PSRC1: variants seen among roughly 807,000 people sequenced by gnomAD.
The protein encoded by PSRC1 is proline/serine-rich coiled-coil protein 1.
In PSRC1, 30 loss-of-function variants were observed where a neutral mutation model predicts 31.9. The ratio of observed to expected loss-of-function variants is 0.94; its 90% confidence interval spans 0.70 to 1.28. PSRC1 has a LOEUF of 1.28. Ranked by LOEUF, PSRC1 falls within the 50% of genes most tolerant of loss-of-function variation. PSRC1 has a pLI of 0.00. For synonymous variants in PSRC1, 191 were observed against 192.1 expected, an observed-to-expected ratio of 0.99 and a Z score of 0.05; for missense variants, 481 against 472.8, an observed-to-expected ratio of 1.02 and a Z score of -0.16.
In PSRC1 at chr1:109,281,437, A is replaced by G. The variant is rs561156790; in HGVS notation, c.519+182T>C. On this transcript the variant is annotated intron_variant, in intron 4 of 6. Transcript: ENST00000409138. ...GCCAATACCATTTATTGAGTTTATC[A>G]TAGACATATACTCAGACACTGTGGT... 5.4e-6 allele frequency: 4 copies of G among 741,934 alleles called. No individual in the cohort carries two copies. The African/African-American group carries it at 7.1e-5, about 13-fold the overall frequency. The allele number at this position is 741,934 out of a possible 1,614,324, so 46.0% of individuals were successfully genotyped here. A position where few individuals can be genotyped will look rare whatever the true frequency, so the allele number is the denominator to read the frequency against.
intron 3 of PSRC1, 29 bp from the exon 4 acceptor site, chr1:109,282,089 G>A (rs1312810630): frequency 2.1e-6 from 3 of 1,459,110 alleles, no homozygotes; most frequent in Non-Finnish European, 1.8e-6. Context: ...CAGGCATCAT[G>A]CCCATGCAAA....
rs547815145 is a variant in PSRC1, at chr1:109,282,754, C to A, written c.-33-23G>T. The A allele has an allele frequency of 7.7e-6, 12 of 1,549,274 alleles. No homozygotes were observed. In the African/African-American group the frequency reaches 1.5e-4, roughly 19 times the overall value. On this transcript the variant is annotated intron_variant, in intron 1 of 6. Transcript: ENST00000409138. The stretch of plus-strand genomic sequence containing the variant: ...GATCTGAGCTGGAGAGAAACCATAC[C>A]TTTCCTCAGGTATCCATTCTGCCCA...
At chr1:109,280,587 T>C (rs1440068193) in intron 5 of PSRC1, 98 bp from the exon 7 acceptor site, 33 of 1,064,116 alleles carry the variant, frequency 3.1e-5, no homozygotes, top group Non-Finnish European at 4.5e-5. Context: ...ATTAGTACTC[T>C]CCCCCTGACC....
Position 109,281,126 on chromosome 1 carries a change from G to A in PSRC1, c.645C>T (p.Thr215=), listed in dbSNP as rs375515364. Residue 215 remains threonine (T), a synonymous_variant, in exon 5 of 7, where the codon ACC becomes ACT. Coordinates refer to ENST00000409138, the Ensembl canonical transcript of PSRC1. ...CACTCACCCGCAACTTGGCTGCTCT[G>A]GTCTCCTCACTGGCTGCTGCTCTCC... is the stretch of plus-strand genomic sequence containing the variant. 31 of 1,613,212 alleles carry A rather than the reference G, an allele frequency of 1.9e-5. No individual in the cohort carries two copies. Among genetic ancestry groups the A allele is most frequent in the Non-Finnish European group, 2.5e-5 (29 of 1,179,892 alleles).
chr1:109,281,027 T>G, exon 5 of PSRC1: 1 of 1,612,394 alleles, frequency 6.2e-7, no homozygotes, highest in South Asian at 1.1e-5. Flanking sequence ...CCAGGACGGA[T>G]CTGATGGGGG....
At chr1:109,282,685 T>G (rs1380144521) in exon 2 of PSRC1, 1 of 1,556,420 alleles carries the variant, frequency 6.4e-7, no homozygotes, top group East Asian at 2.4e-5. Flanking sequence ...CTTACCTTCC[T>G]CCAAATCCTC....
At chr1:109,282,481 T>C in intron 3 of PSRC1, 37 bp downstream of exon 3, 1 of 1,587,040 alleles carries the variant, frequency 6.3e-7, no homozygotes, top group Non-Finnish European at 8.7e-7. Flanking sequence ...AAAGAGGTAC[T>C]GTTAGAGGAA....
chr1:109,281,158 G>A, exon 5 of PSRC1: 1 of 1,613,598 alleles, frequency 6.2e-7, no homozygotes. Flanking sequence ...CTCCCACTGG[G>A]CCCGGCTCTC....
exon 7 of PSRC1, chr1:109,279,853 T>G: frequency 8.8e-6 from 4 of 456,924 alleles, no homozygotes; most frequent in South Asian, 4.1e-5. Flanking sequence ...ACAGTGGGGG[T>G]GGATAAAGAC....
Position 109,282,534 on chromosome 1 carries a change from GC to G in PSRC1, c.60del (p.Leu21CysfsTer12). 6.2e-7 allele frequency: 1 copy of G among 1,614,018 alleles called. No homozygotes were observed. Among genetic ancestry groups the G allele is most frequent in the Non-Finnish European group, 8.5e-7 (1 of 1,179,922 alleles). ...GGCTGGTACCTGTCAGATGGTGACA[GC>G]CCCCCAAAGTCCAAGGTCTCATCCA... On this transcript the variant is annotated frameshift_variant, in exon 3 of 7. Coordinates refer to ENST00000409138, the Ensembl canonical transcript of PSRC1. LOFTEE classifies it high-confidence loss of function.
exon 3 of PSRC1, chr1:109,282,558 C>T: frequency 6.2e-7 from 1 of 1,614,152 alleles, no homozygotes; most frequent in Non-Finnish European, 8.5e-7. Context: ...AAGGTCTCAT[C>T]CACAATAAAC....
intron 1 of PSRC1, 88 bp downstream of exon 1, chr1:109,282,975 G>C: frequency 1.8e-6 from 1 of 568,270 alleles, no homozygotes. Flanking sequence ...CGGCCTGCAC[G>C]CCCCATCTTC....
At chr1:109,281,797 C>A (rs763036707) in exon 4 of PSRC1, 1 of 1,613,998 alleles carries the variant, frequency 6.2e-7, no homozygotes, top group African/African-American at 1.3e-5. Context: ...AAAGGTCTCC[C>A]GCCGAGGACT....
At chr1:109,281,467 G>A in intron 4 of PSRC1, 152 bp downstream of exon 4, 1 of 804,906 alleles carries the variant, frequency 1.2e-6, no homozygotes, top group Non-Finnish European at 2.0e-6. Context: ...TGTGGTAAGA[G>A]TTTTGGTTCT....
At chr1:109,280,067 G>T in exon 7 of PSRC1, 1 of 1,581,782 alleles carries the variant, frequency 6.3e-7, no homozygotes, top group Non-Finnish European at 8.7e-7. Flanking sequence ...AGAATCTGCT[G>T]GAGTCAGGGT....
rs1023839607 is a variant in PSRC1 at position 109,280,937 on chromosome 1, G to T, written c.834C>A (p.Pro278=). Reference sequence around the variant, plus strand: ...CAGGCCTGGGGATGGCCGAGGGAATGGGCAGTTGACTGGAAGATTTAGCAG... The same window carrying T: ...CAGGCCTGGGGATGGCCGAGGGAATTGGCAGTTGACTGGAAGATTTAGCAG... The change falls in exon 5 of 7, where the codon CCC becomes CCA. Residue 278 remains proline (P), a synonymous_variant. Transcript: ENST00000409138. 3.7e-6 allele frequency: 6 copies of T among 1,613,858 alleles called. No individual in the cohort carries two copies. The African/African-American group carries it at 6.7e-5, about 18-fold the overall frequency.
chr1:109,282,532 C>G, exon 3 of PSRC1: 6 of 1,614,016 alleles, frequency 3.7e-6, no homozygotes, highest in Non-Finnish European at 5.1e-6. Context: ...CAGATGGTGA[C>G]AGCCCCCCAA....
At chr1:109,281,819 G>T (rs544803512) in exon 4 of PSRC1, 2 of 1,613,834 alleles carry the variant, frequency 1.2e-6, no homozygotes, top group Non-Finnish European at 1.7e-6. Flanking sequence ...GGCTTCACTC[G>T]GCGAGGCCCC....
chr1:109,281,808 G>A, exon 4 of PSRC1: 2 of 1,614,042 alleles, frequency 1.2e-6, no homozygotes, highest in Non-Finnish European at 1.7e-6. Context: ...GCCGAGGACT[G>A]GGCTTCACTC....
Sources: gnomAD v4.1 joint callset for allele counts on GRCh38, gnomAD v4.1.1 for gene constraint, MANE v1.5 for transcripts, NCBI Gene and HGNC (gene_info 2026-07-23, HGNC 2026-07-21) for gene names.